Variants in PRELID2 observed in about 807,000 individuals in gnomAD.
The protein encoded by PRELID2 is PRELI domain containing 2, also known as PRELI domain-containing protein 2.
PRELID2 carries 25 observed loss-of-function variants against 28.4 expected under a neutral mutation model. That is an observed-to-expected ratio of 0.88 (90% CI 0.64 to 1.23). The LOEUF (loss-of-function observed/expected upper bound fraction) is 1.23. PRELID2 is among the 50% of genes most tolerant of loss of function. The pLI, the probability that PRELID2 is intolerant of heterozygous loss-of-function variation, is 0.00. For missense variants in PRELID2, 201 were observed against 214.4 expected (o/e 0.94, Z 0.39); for synonymous variants, 76 against 71.6 (o/e 1.06, Z -0.31).
chr5:145,823,602 G>A, intron 1 of PRELID2, among the ~76,000 whole-genome samples: 1 of 152,128 alleles, frequency 6.6e-6, no homozygotes, highest in East Asian at 1.9e-4. Context: ...TCACCCAGCT[G>A]GCTCCTGGTG....
chr5:145,274,344 C>A, the PRELID2 span, among the ~76,000 whole-genome samples: 2 of 152,058 alleles, frequency 1.3e-5, no homozygotes, highest in Admixed American at 1.3e-4. Flanking sequence ...AGCAGTGCAG[C>A]AGAAATATGA....
the PRELID2 span, among the ~76,000 whole-genome samples, chr5:145,353,564 C>T: frequency 2.6e-5 from 4 of 152,094 alleles, no homozygotes; most frequent in Admixed American, 2.0e-4. Flanking sequence ...GAGGAGGCCT[C>T]AGGGAACTTA....
intron 1 of PRELID2, among the ~76,000 whole-genome samples, chr5:145,657,967 C>T (rs137932744): frequency 1.4e-3 from 206 of 152,280 alleles, no homozygotes; most frequent in African/African-American, 4.7e-3. Flanking sequence ...CCATATTCTA[C>T]GAGTCATATA....
At chr5:145,281,990 T>C in the PRELID2 span, among the ~76,000 whole-genome samples, 1 of 152,176 alleles carries the variant, frequency 6.6e-6, no homozygotes, top group African/African-American at 2.4e-5. Context: ...TAGCAGAAAT[T>C]AAGTGCAAGA....
intron 1 of PRELID2, among the ~76,000 whole-genome samples, chr5:145,675,968 C>A (rs1263432637): frequency 6.6e-6 from 1 of 151,582 alleles, no homozygotes; most frequent in East Asian, 1.9e-4. Context: ...CGCCTGTAAT[C>A]CCAGCACTTT....
At chr5:145,651,711 A>C (rs1754301272) in intron 1 of PRELID2, among the ~76,000 whole-genome samples, 1 of 152,234 alleles carries the variant, frequency 6.6e-6, no homozygotes, top group Non-Finnish European at 1.5e-5. Flanking sequence ...GTTAAAAGGA[A>C]AACTAACAAA....
At chr5:145,511,883 C>A (rs960904186) in intron 1 of PRELID2, among the ~76,000 whole-genome samples, 1 of 152,028 alleles carries the variant, frequency 6.6e-6, no homozygotes, top group African/African-American at 2.4e-5. Flanking sequence ...TGGAAGCTGA[C>A]GAGAGAGAGA....
chr5:145,280,877 G>A, the PRELID2 span, among the ~76,000 whole-genome samples: 1 of 151,466 alleles, frequency 6.6e-6, no homozygotes, highest in African/African-American at 2.4e-5. Context: ...AATAATTTTA[G>A]TTGCAAATGA....
At chr5:145,575,472 C>T (rs1388925468) in intron 1 of PRELID2, among the ~76,000 whole-genome samples, 1 of 152,162 alleles carries the variant, frequency 6.6e-6, no homozygotes. Flanking sequence ...TGTCCATCCA[C>T]TGATTCTTCA....
At chr5:145,488,368 C>T (rs1752240832) in intron 1 of PRELID2, among the ~76,000 whole-genome samples, 1 of 152,142 alleles carries the variant, frequency 6.6e-6, no homozygotes, top group Non-Finnish European at 1.5e-5. Flanking sequence ...GACTGCAAGG[C>T]CCTCACTCCT....
At chr5:145,386,326 G>A in the PRELID2 span, among the ~76,000 whole-genome samples, 2 of 152,040 alleles carry the variant, frequency 1.3e-5, no homozygotes, top group East Asian at 1.9e-4. Context: ...CATGACACAG[G>A]TGGATTATGA....
the PRELID2 span, among the ~76,000 whole-genome samples, chr5:145,306,458 C>CT: frequency 4.2e-4 from 64 of 151,714 alleles, no homozygotes; most frequent in Admixed American, 7.9e-4. Flanking sequence ...TTCATATTTG[C>CT]TTTTTCAGTT....
chr5:145,659,959 A>C (rs1423580939), intron 1 of PRELID2, among the ~76,000 whole-genome samples: 1 of 152,170 alleles, frequency 6.6e-6, no homozygotes, highest in Non-Finnish European at 1.5e-5. Context: ...AATGCAAAAT[A>C]ATAATCATCA....
At chr5:145,810,408 A>ATT (rs1206207620) in intron 4 of PRELID2, among the ~76,000 whole-genome samples, 2 of 152,192 alleles carry the variant, frequency 1.3e-5, no homozygotes, top group Admixed American at 1.3e-4. Flanking sequence ...ATGTGAGCAG[A>ATT]TTCAGTCCAT....
At chr5:145,405,697 T>C in the PRELID2 span, among the ~76,000 whole-genome samples, 6 of 82,738 alleles carry the variant, frequency 7.3e-5, no homozygotes, top group African/African-American at 2.6e-4. Context: ...AGGTACCACA[T>C]AGTTGTTTTT....
At chr5:145,460,226 G>A in the PRELID2 span, among the ~76,000 whole-genome samples, 3 of 152,154 alleles carry the variant, frequency 2.0e-5, no homozygotes, top group Non-Finnish European at 2.9e-5. Flanking sequence ...CTGGCCATAC[G>A]TTTCAGGTTG....
chr5:145,728,314 G>C (rs1756234494), intron 1 of PRELID2: 1 of 294,158 alleles, frequency 3.4e-6, no homozygotes, highest in African/African-American at 2.2e-5. Context: ...GCAAGTCCCT[G>C]TCTATCTATC....
intron 1 of PRELID2, among the ~76,000 whole-genome samples, chr5:145,707,824 T>C (rs1755587774): frequency 6.6e-6 from 1 of 152,202 alleles, no homozygotes; most frequent in African/African-American, 2.4e-5. Flanking sequence ...AAGTACTGTA[T>C]ACCCAAAACC....
At chr5:145,748,575 A>G (rs1217450715) in intron 1 of PRELID2, among the ~76,000 whole-genome samples, 1 of 152,230 alleles carries the variant, frequency 6.6e-6, no homozygotes, top group Non-Finnish European at 1.5e-5. Context: ...ATTCAATGCT[A>G]TTCCCATCAA....
Sources: allele counts gnomAD v4.1 joint callset (sites outside exome capture counted in the v4.1 genomes callset), GRCh38; gene constraint gnomAD v4.1.1; transcripts MANE v1.5; gene names NCBI Gene and HGNC (gene_info 2026-07-23, HGNC 2026-07-21).